The following EGFLAM variants were observed in gnomAD, a reference collection of about 807,000 sequenced individuals.
EGFLAM encodes pikachurin.
EGFLAM carries 79 observed loss-of-function variants against 113.1 expected under a neutral mutation model. The observed-to-expected ratio is 0.70, with a 90% CI of 0.58 to 0.84. The LOEUF is 0.84. Ranked by LOEUF, EGFLAM falls within the 40% of genes least tolerant of loss-of-function variation. EGFLAM has a pLI of 0.00. For missense variants in EGFLAM, 1,265 were observed against 1,291.6 expected, an observed-to-expected ratio of 0.98 and a Z score of 0.32; for synonymous variants, 504 against 487.6, an observed-to-expected ratio of 1.03 and a Z score of -0.44.
intron 1 of EGFLAM, among the ~76,000 whole-genome samples, chr5:38,310,630 AAAT>A (rs1200499302): frequency 1.3e-5 from 2 of 152,142 alleles, no homozygotes; most frequent in Non-Finnish European, 2.9e-5. Flanking sequence ...AAGAAAAAAA[AAAT>A]CAATTTTTTT....
intron 15 of EGFLAM, among the ~76,000 whole-genome samples, chr5:38,432,763 A>G (rs1008723120): frequency 6.6e-6 from 1 of 152,248 alleles, no homozygotes; most frequent in Non-Finnish European, 1.5e-5. Flanking sequence ...GGCAAGGTCC[A>G]TGATTATAAA....
intron 1 of EGFLAM, among the ~76,000 whole-genome samples, chr5:38,306,327 G>T (rs1319890218): frequency 1.3e-5 from 2 of 152,156 alleles, no homozygotes; most frequent in African/African-American, 4.8e-5. Context: ...TGATCACTTG[G>T]TAGTATCTCT....
intron 5 of EGFLAM, among the ~76,000 whole-genome samples, chr5:38,355,960 G>A (rs545795103): frequency 2.0e-5 from 3 of 152,096 alleles, no homozygotes; most frequent in South Asian, 4.1e-4. Flanking sequence ...GGGTTTCACC[G>A]TGTTGGTCAG....
Position 38,431,201 on chromosome 5 carries a change from C to G in EGFLAM, c.2079C>G (p.Gly693=). The change falls in exon 15 of 22, where the codon GGC becomes GGG. Residue 693 remains glycine (G), a synonymous_variant. Coordinates refer to ENST00000322350, the MANE Select transcript of EGFLAM (RefSeq NM_152403.4). ...VLRSEDPLTL[G]NWHELRVSRT... is the part of the protein sequence containing the mutation. ...GGAGTGAAGATCCCCTCACCCTGGG[C>G]AACTGGCACGAGCTTCGTGTATCTC... 6.2e-7 allele frequency: 1 copy of G among 1,614,142 alleles called. No individual in the cohort carries two copies. The highest frequency in any genetic ancestry group is 8.5e-7 in the Non-Finnish European group (1 of 1,180,010).
intron 1 of EGFLAM, among the ~76,000 whole-genome samples, chr5:38,299,795 T>C (rs959704695): frequency 6.6e-6 from 1 of 152,132 alleles, no homozygotes; most frequent in South Asian, 2.1e-4. Flanking sequence ...TCTGCAATGA[T>C]TGAAAGCTGC....
chr5:38,425,225 C>T, intron 13 of EGFLAM, 133 bp downstream of exon 13: 5 of 1,369,210 alleles, frequency 3.7e-6, no homozygotes, highest in Non-Finnish European at 2.9e-6. Flanking sequence ...CTTACCCAGG[C>T]CGGAGTGCAG....
chr5:38,445,813 G>A, intron 17 of EGFLAM: 3 of 1,189,952 alleles, frequency 2.5e-6, no homozygotes, highest in Non-Finnish European at 3.7e-6. Context: ...ACATGCCTAC[G>A]CGTGGTGGGA....
intron 1 of EGFLAM, among the ~76,000 whole-genome samples, chr5:38,262,447 C>T (rs539381179): frequency 3.1e-4 from 47 of 152,202 alleles, no homozygotes; most frequent in African/African-American, 1.1e-3. Flanking sequence ...TAATCACCGC[C>T]GGAATAGAAA....
intron 17 of EGFLAM, among the ~76,000 whole-genome samples, chr5:38,444,207 T>C (rs755658814): frequency 1.3e-5 from 2 of 152,174 alleles, no homozygotes; most frequent in Non-Finnish European, 2.9e-5. Flanking sequence ...GCACAAGCTT[T>C]TAGATATAAA....
chr5:38,391,418 G>GTGTGT (rs1374263136), intron 6 of EGFLAM, among the ~76,000 whole-genome samples: 1 of 147,054 alleles, frequency 6.8e-6, no homozygotes, highest in African/African-American at 2.5e-5. Context: ...GTGTGTGTGT[G>GTGTGT]ATGGAGTCTC....
At chr5:38,393,459 ACTC>A (rs145037421) in intron 6 of EGFLAM, among the ~76,000 whole-genome samples, 5,264 of 152,014 alleles carry the variant, frequency 0.035, 292 homozygotes, top group African/African-American at 0.12. Flanking sequence ...ATCACTGGCC[ACTC>A]CTCATGGCAG....
chr5:38,427,066 C>G lies in EGFLAM; in HGVS notation c.1868C>G (p.Pro623Arg), dbSNP rs370628892. The G allele has an allele frequency of 6.2e-7, 1 of 1,614,002 alleles. No homozygotes were observed. The highest frequency in any genetic ancestry group is 2.2e-5 in the East Asian group (1 of 44,890). The change falls in exon 14 of 22, where the codon CCC (proline) becomes CGC (arginine). Residue 623 changes from proline to arginine, a missense_variant. Transcript: ENST00000322350. ...TCTCTGAGATCTTACGCTGCAACTC[C>G]CTGGCCACTGGAGCCCCAGCATTAC... The part of the protein sequence containing the change: ...RESLRSYAAT[P>R]WPLEPQHYLS...
chr5:38,417,363 A>AAAAAAAC (rs1741683272), intron 11 of EGFLAM, among the ~76,000 whole-genome samples: 2 of 148,940 alleles, frequency 1.3e-5, no homozygotes, highest in African/African-American at 5.1e-5. Context: ...AAAAAAAAAA[A>AAAAAAAC]AAAAAACAAA....
chr5:38,410,776 C>T (rs1008269285), intron 10 of EGFLAM, among the ~76,000 whole-genome samples: 2 of 152,186 alleles, frequency 1.3e-5, no homozygotes, highest in African/African-American at 4.8e-5. Context: ...TGGACCTCGC[C>T]TGTATTGAGG....
chr5:38,405,731 A>G (rs1228148924), intron 6 of EGFLAM, among the ~76,000 whole-genome samples: 2 of 152,186 alleles, frequency 1.3e-5, no homozygotes, highest in African/African-American at 4.8e-5. Context: ...GTAAGTTGGG[A>G]TGGGATTGCT....
At chr5:38,272,355 CA>C (rs1416326799) in intron 1 of EGFLAM, among the ~76,000 whole-genome samples, 1 of 152,200 alleles carries the variant, frequency 6.6e-6, no homozygotes, top group Non-Finnish European at 1.5e-5. Context: ...CAGTGTCCAA[CA>C]ATCCTCCTTC....
chr5:38,363,620 G>GT (rs1739984572), intron 5 of EGFLAM, among the ~76,000 whole-genome samples: 1 of 151,902 alleles, frequency 6.6e-6, no homozygotes, highest in African/African-American at 2.4e-5. Context: ...CCATTGCTAG[G>GT]TTTTTTATTT....
chr5:38,456,943 C>T (rs1013246296), intron 19 of EGFLAM, among the ~76,000 whole-genome samples: 2 of 152,172 alleles, frequency 1.3e-5, no homozygotes, highest in African/African-American at 4.8e-5. Flanking sequence ...AGTAGTCACT[C>T]ACTAAATATT....
chr5:38,305,000 G>A (rs1758688171), intron 1 of EGFLAM, among the ~76,000 whole-genome samples: 1 of 152,042 alleles, frequency 6.6e-6, no homozygotes, highest in Admixed American at 6.5e-5. Context: ...GAAATTTGGA[G>A]AAATCTTTTG....
Sources: gnomAD v4.1 joint callset for allele counts (sites outside exome capture counted in the v4.1 genomes callset) on GRCh38, gnomAD v4.1.1 for gene constraint, MANE v1.5 for transcripts, NCBI Gene and HGNC (gene_info 2026-07-23, HGNC 2026-07-21) for gene names.